NFIB: variants seen among roughly 807,000 people sequenced by gnomAD.
The protein encoded by NFIB is nuclear factor 1 B-type.
Under a neutral mutation model 61.5 loss-of-function variants are expected in NFIB, and 11 were observed. The observed-to-expected ratio is 0.18, with a 90% CI of 0.11 to 0.30. The LOEUF (loss-of-function observed/expected upper bound fraction) is 0.30, where lower values mean the gene tolerates loss of function less well. Ranked by LOEUF, NFIB falls within the 10% of genes least tolerant of loss-of-function variation. NFIB has a pLI of 1.00. For synonymous variants in NFIB, 260 were observed against 216.5 expected (o/e 1.20, Z -1.76); for missense variants, 471 against 608.9 (o/e 0.77, Z 2.38).
intron 2 of NFIB, among the ~76,000 whole-genome samples, chr9:14,193,110 A>G (rs999117465): frequency 3.3e-5 from 5 of 151,570 alleles, no homozygotes; most frequent in African/African-American, 1.2e-4. Context: ...GCATACTGAT[A>G]CATAAAAATA....
At chr9:14,155,760 G>T in intron 4 of NFIB, 65 bp downstream of exon 4, 2 of 1,014,940 alleles carry the variant, frequency 2.0e-6, no homozygotes, top group Non-Finnish European at 2.9e-6. Context: ...TACATTTAAG[G>T]TTCAAAATAT....
At chr9:14,109,560 C>T (rs1453129097) in intron 10 of NFIB, among the ~76,000 whole-genome samples, 8 of 152,042 alleles carry the variant, frequency 5.3e-5, no homozygotes. Context: ...AAGAATGAAG[C>T]TCCAACTGAA....
the NFIB span, among the ~76,000 whole-genome samples, chr9:14,504,495 T>C: frequency 0.38 from 57,706 of 152,054 alleles, 11,587 homozygotes; most frequent in East Asian, 0.65. Context: ...GTGTCATCTA[T>C]GATTTCTTTC....
chr9:14,490,751 C>T, the NFIB span, among the ~76,000 whole-genome samples: 519 of 152,282 alleles, frequency 3.4e-3, 2 homozygotes, highest in Middle Eastern at 0.027. Context: ...CAATGCGATA[C>T]CATCTTACTA....
Position 14,313,903 on chromosome 9 carries a change from A to T in NFIB, c.-392T>A. Reference sequence around the variant, plus strand: ...TGCGCGAAGGTTCGGTGTGGGTTGGATTGGGGTGGTGGTTGGTGGTAAAAT... The same window carrying T: ...TGCGCGAAGGTTCGGTGTGGGTTGGTTTGGGGTGGTGGTTGGTGGTAAAAT... On this transcript the variant is annotated 5_prime_UTR_variant, in exon 1 of 11. Coordinates refer to ENST00000380953, the MANE Select transcript of NFIB (RefSeq NM_001190737.2). This position sits in a 1 kb window ranked among gnomAD's most constrained non-coding sequence, Gnocchi z 4.5. The T allele has an allele frequency of 1.0e-6, 1 of 986,768 alleles. No homozygotes were observed. The highest frequency in any genetic ancestry group is 1.2e-6 in the Non-Finnish European group (1 of 838,980). 61.1% of individuals were successfully genotyped at this position (986,768 alleles called of 1,614,324 possible).
chr9:14,187,680 C>G (rs1001063530), intron 2 of NFIB, among the ~76,000 whole-genome samples: 1 of 151,874 alleles, frequency 6.6e-6, no homozygotes, highest in Non-Finnish European at 1.5e-5. Flanking sequence ...GAGTCATATC[C>G]CAAGGATTAA....
chr9:14,508,541 A>G, the NFIB span, among the ~76,000 whole-genome samples: 1 of 152,354 alleles, frequency 6.6e-6, no homozygotes, highest in East Asian at 1.9e-4. Flanking sequence ...TTAGAGGGCG[A>G]GAATTATATG....
At chr9:14,417,185 C>G in the NFIB span, among the ~76,000 whole-genome samples, 107 of 152,254 alleles carry the variant, frequency 7.0e-4, no homozygotes, top group African/African-American at 2.3e-3. Context: ...GCCACCACAC[C>G]CGGCCTTAAA....
chr9:14,314,771 C>T (rs1167088240), upstream of NFIB, among the ~76,000 whole-genome samples: 1 of 142,426 alleles, frequency 7.0e-6, no homozygotes, highest in Non-Finnish European at 1.5e-5. Context: ...AGGTATCCTA[C>T]CGGTGCTACA....
intron 10 of NFIB, among the ~76,000 whole-genome samples, chr9:14,109,998 G>T (rs569988339): frequency 1.3e-5 from 2 of 151,970 alleles, no homozygotes; most frequent in African/African-American, 4.8e-5. Context: ...CCAAGTAAAT[G>T]ATATGAAAGT....
the NFIB span, among the ~76,000 whole-genome samples, chr9:14,447,905 T>C: frequency 1.3e-5 from 2 of 152,156 alleles, no homozygotes; most frequent in African/African-American, 2.4e-5. Context: ...TTTTCACATA[T>C]TTAGACAAGT....
In NFIB at chr9:14,086,868, G is replaced by T. The variant is rs562446089; in HGVS notation, c.*1441C>A. Reference sequence around the variant, plus strand: ...ATCTTCGTGCAAATTAGGATTACTGGAAAGAGTATTTTTAATTAAAATTTT... The same window carrying T: ...ATCTTCGTGCAAATTAGGATTACTGTAAAGAGTATTTTTAATTAAAATTTT... On this transcript the variant is annotated 3_prime_UTR_variant, in exon 11 of 11. Coordinates refer to ENST00000380953, the MANE Select transcript of NFIB (RefSeq NM_001190737.2). The T allele has an allele frequency of 9.8e-6, 2 of 203,376 alleles. No homozygotes were observed. Among genetic ancestry groups the T allele is most frequent in the South Asian group, 3.8e-4 (2 of 5,246 alleles). 12.6% of individuals were successfully genotyped at this position (203,376 alleles called of 1,614,324 possible).
chr9:14,230,437 G>A (rs2052982332), intron 2 of NFIB, among the ~76,000 whole-genome samples: 1 of 152,142 alleles, frequency 6.6e-6, no homozygotes, highest in African/African-American at 2.4e-5. Context: ...AATAAAGGGC[G>A]CTAACAGAAT....
At chr9:14,360,299 A>G (rs1485506828) in intron 1 of NFIB, among the ~76,000 whole-genome samples, 1 of 152,234 alleles carries the variant, frequency 6.6e-6, no homozygotes, top group Non-Finnish European at 1.5e-5. Flanking sequence ...GAAATTTGGT[A>G]TAGCCCCCAT....
In NFIB at chr9:14,391,176, A is replaced by G. The variant is rs149992108; in HGVS notation, c.108+7348T>C. Reference sequence around the variant, plus strand: ...AGGAGAGTAACTTTTTAGCGGAGAAACCTGACAAATACTACCTTGTCATTG... The same window carrying G: ...AGGAGAGTAACTTTTTAGCGGAGAAGCCTGACAAATACTACCTTGTCATTG... On this transcript the variant is annotated intron_variant, in intron 1 of 8. Coordinates refer to the NFIB transcript ENST00000380934. Among the ~76,000 whole-genome samples the G allele has an allele frequency of 2.3e-3, 343 of 152,278 alleles. 1 individual carries two copies. The highest frequency in any genetic ancestry group is 7.7e-3 in the African/African-American group (319 of 41,550).
At chr9:14,312,851 G>A (rs376688518) in intron 1 of NFIB, among the ~76,000 whole-genome samples, 1 of 152,092 alleles carries the variant, frequency 6.6e-6, no homozygotes, top group Non-Finnish European at 1.5e-5. Flanking sequence ...TCGTGTCAAC[G>A]TAAATACTGC....
chr9:14,161,405 T>A (rs1011596354), intron 3 of NFIB, among the ~76,000 whole-genome samples: 8 of 152,102 alleles, frequency 5.3e-5, no homozygotes, highest in African/African-American at 1.9e-4. Context: ...ATGATTTAGG[T>A]GATCTTGGAG....
At chr9:14,399,672 A>T (rs2061723181), upstream of NFIB, among the ~76,000 whole-genome samples, 1 of 152,206 alleles carries the variant, frequency 6.6e-6, no homozygotes, top group South Asian at 2.1e-4. Flanking sequence ...AGTCATGTTC[A>T]AGTGAAAAAT....
chr9:14,363,634 TAC>T (rs1189135870), intron 1 of NFIB, among the ~76,000 whole-genome samples: 3 of 123,778 alleles, frequency 2.4e-5, no homozygotes, highest in African/African-American at 3.8e-5. Flanking sequence ...TGTGTACATA[TAC>T]ATATATATGT....
Sources: gnomAD v4.1 joint callset for allele counts (sites outside exome capture counted in the v4.1 genomes callset) on GRCh38, gnomAD v4.1.1 for gene constraint, Gnocchi (gnomAD v3.1) non-coding constraint, MANE v1.5 for transcripts, NCBI Gene and HGNC (gene_info 2026-07-23, HGNC 2026-07-21) for gene names.